Variants in MDGA2 observed in about 807,000 individuals in gnomAD.
MDGA2 encodes the protein MAM domain containing glycosylphosphatidylinositol anchor 2.
A neutral mutation model predicts 117.8 loss-of-function variants in MDGA2; 40 were observed. The ratio of observed to expected loss-of-function variants is 0.34; its 90% CI spans 0.26 to 0.44. MDGA2 has a LOEUF of 0.44. Among genes scored for constraint, MDGA2 ranks in the 20% least tolerant of loss-of-function variants. MDGA2 has a pLI of 1.00. For synonymous variants in MDGA2, 452 were observed against 439.0 expected, an observed-to-expected ratio of 1.03 and a Z score of -0.37; for missense variants, 1,123 against 1,250.6, an observed-to-expected ratio of 0.90 and a Z score of 1.54.
chr14:47,582,630 C>A (rs1046878342), intron 1 of MDGA2, among the ~76,000 whole-genome samples: 21 of 151,932 alleles, frequency 1.4e-4, no homozygotes, highest in African/African-American at 4.8e-4. Flanking sequence ...ACTTCTAAAT[C>A]AAATCACATA....
At chr14:47,376,737 A>G (rs1199052778) in intron 1 of MDGA2, among the ~76,000 whole-genome samples, 1 of 152,180 alleles carries the variant, frequency 6.6e-6, no homozygotes, top group Non-Finnish European at 1.5e-5. Context: ...AAAACAATGT[A>G]ATTAGTTACA....
At chr14:47,349,096 A>C (rs1890823531) in intron 1 of MDGA2, among the ~76,000 whole-genome samples, 1 of 152,234 alleles carries the variant, frequency 6.6e-6, no homozygotes, top group South Asian at 2.1e-4. Flanking sequence ...TTGACAAGCA[A>C]CTGTAACAGA....
At chr14:47,590,768 A>C (rs989999787) in intron 1 of MDGA2, among the ~76,000 whole-genome samples, 2 of 152,004 alleles carry the variant, frequency 1.3e-5, no homozygotes, top group African/African-American at 4.8e-5. Flanking sequence ...CCCCATAAAT[A>C]TACAAGCCTA....
At chr14:47,510,282 C>T (rs751098145) in intron 1 of MDGA2, among the ~76,000 whole-genome samples, 1 of 152,158 alleles carries the variant, frequency 6.6e-6, no homozygotes, top group Non-Finnish European at 1.5e-5. Flanking sequence ...TGATTTCAAG[C>T]CTGCAGCCTC....
intron 6 of MDGA2, among the ~76,000 whole-genome samples, chr14:47,067,786 T>C (rs1890138098): frequency 6.6e-6 from 1 of 152,172 alleles, no homozygotes; most frequent in Non-Finnish European, 1.5e-5. Flanking sequence ...ATAATTTGAG[T>C]TAATTTATTT....
chr14:46,926,006 C>G (rs2138529440), intron 9 of MDGA2, among the ~76,000 whole-genome samples: 1 of 152,274 alleles, frequency 6.6e-6, no homozygotes, highest in East Asian at 1.9e-4. Flanking sequence ...TTCTCAAGAA[C>G]AGGGATGGTA....
chr14:47,301,675 A>AT, intron 1 of MDGA2, 125 bp from the exon 2 acceptor site: 1 of 1,024,240 alleles, frequency 9.8e-7, no homozygotes, highest in Non-Finnish European at 1.4e-6. Flanking sequence ...AGTCAGATTC[A>AT]TCAGTCTTAA....
At chr14:47,149,288 TCAAAAA>T (rs535199635) in intron 3 of MDGA2, among the ~76,000 whole-genome samples, 99 of 152,170 alleles carry the variant, frequency 6.5e-4, no homozygotes, top group African/African-American at 2.0e-3. Flanking sequence ...AGACTCTGTC[TCAAAAA>T]CAAAAACAAA....
intron 1 of MDGA2, among the ~76,000 whole-genome samples, chr14:47,524,284 T>C (rs1004676118): frequency 9.5e-4 from 145 of 152,296 alleles, no homozygotes; most frequent in African/African-American, 3.3e-3. Context: ...TTTACTTTAA[T>C]GGCACAGAAA....
rs202121990 is a variant in MDGA2, at chr14:47,457,821, T to TTG, written c.281-156272_281-156271insCA. Among the ~76,000 whole-genome samples the TTG allele has an allele frequency of 1.6e-3, 240 of 151,626 alleles. 1 individual carries two copies. The highest frequency in any genetic ancestry group is 3.4e-3 in the Middle Eastern group (1 of 294). ...AGAGTCATTTTTTTCTGTTTTTTTT[T>TTG]TTTGTTTGTTTATTTGTTTGTTTAA... is the stretch of plus-strand genomic sequence containing the variant. On this transcript the variant is annotated intron_variant, in intron 1 of 16. Transcript: ENST00000399232.
intron 5 of MDGA2, among the ~76,000 whole-genome samples, chr14:47,118,598 A>C (rs1027037828): frequency 2.0e-4 from 31 of 152,334 alleles, no homozygotes; most frequent in African/African-American, 7.5e-4. Context: ...GAGCAAAAAC[A>C]AAAAATACCA....
chr14:46,863,697 G>C (rs1168177119), intron 14 of MDGA2, among the ~76,000 whole-genome samples: 1 of 151,960 alleles, frequency 6.6e-6, no homozygotes, highest in Non-Finnish European at 1.5e-5. Flanking sequence ...GCCTTACTCA[G>C]TTCATATCAT....
intron 6 of MDGA2, among the ~76,000 whole-genome samples, chr14:47,066,424 G>T (rs1440075233): frequency 6.6e-6 from 1 of 152,162 alleles, no homozygotes; most frequent in Non-Finnish European, 1.5e-5. Flanking sequence ...ATAGGAAAAA[G>T]AACAGATTTG....
chr14:47,400,709 C>A (rs1413968019), intron 1 of MDGA2, among the ~76,000 whole-genome samples: 2 of 149,224 alleles, frequency 1.3e-5, no homozygotes, highest in Middle Eastern at 3.2e-3. Flanking sequence ...AAAAAAAAAA[C>A]CCTTAGTGGT....
chr14:47,348,638 G>A (rs922703480), intron 1 of MDGA2, among the ~76,000 whole-genome samples: 59 of 152,154 alleles, frequency 3.9e-4, no homozygotes, highest in Admixed American at 2.5e-3. Context: ...TTGGAGGGAT[G>A]TGACTTAGAA....
chr14:47,504,673 T>TA (rs1176829867), intron 1 of MDGA2, among the ~76,000 whole-genome samples: 2 of 150,664 alleles, frequency 1.3e-5, no homozygotes, highest in Non-Finnish European at 2.9e-5. Flanking sequence ...AGGGCTATCA[T>TA]AAAAAAAAGA....
At position 47,247,495 on chromosome 14, in the gene MDGA2, G is replaced by A. The variant is rs1005323789; in HGVS notation, c.421-29300C>T. Among the ~76,000 whole-genome samples the A allele has an allele frequency of 2.0e-5, 3 of 151,362 alleles. No individual in the cohort carries two copies. The East Asian group carries it at 5.8e-4, about 29-fold the overall frequency. On this transcript the variant is annotated intron_variant, in intron 2 of 16. Coordinates refer to ENST00000399232, the MANE Select transcript of MDGA2 (RefSeq NM_001113498.3). ...ATTTTGTAATTTTAGTAGAGTTGGA[G>A]TTTCACCATGTTGGTCAGGCTGGTC...
chr14:47,330,350 G>A (rs1203458192), intron 1 of MDGA2, among the ~76,000 whole-genome samples: 1 of 151,824 alleles, frequency 6.6e-6, no homozygotes, highest in Non-Finnish European at 1.5e-5. Flanking sequence ...AAATGCCATA[G>A]TTTGTGCTAT....
chr14:47,139,097 C>T (rs1002403327), intron 4 of MDGA2, among the ~76,000 whole-genome samples: 1 of 151,934 alleles, frequency 6.6e-6, no homozygotes, highest in Non-Finnish European at 1.5e-5. Context: ...TTATTAAAAA[C>T]AAGACATTAT....
Sources: allele counts gnomAD v4.1 joint callset (sites outside exome capture counted in the v4.1 genomes callset), GRCh38; gene constraint gnomAD v4.1.1; transcripts MANE v1.5; gene names NCBI Gene and HGNC (gene_info 2026-07-23, HGNC 2026-07-21).